The following DCAF8L2 variants were observed in gnomAD, a reference collection of about 807,000 sequenced individuals.
The protein encoded by DCAF8L2 is DDB1- and CUL4-associated factor 8-like protein 2.
For missense variants in DCAF8L2, 430 were observed against 490.7 expected (o/e 0.88, Z 1.17); for synonymous variants, 200 against 190.9 (o/e 1.05, Z -0.39).
chrX:27,745,755 C>T (rs1922129025), intron 4 of DCAF8L2, among the ~76,000 whole-genome samples: 1 of 111,707 alleles, frequency 9.0e-6, no homozygotes, highest in South Asian at 3.7e-4. Context: ...CTGATATCAC[C>T]TTAGATAATT....
At chrX:27,543,509 G>GA in the DCAF8L2 span, among the ~76,000 whole-genome samples, 12 of 110,370 alleles carry the variant, frequency 1.1e-4, no homozygotes, top group South Asian at 3.9e-4. Flanking sequence ...CTAATTCCGT[G>GA]AAAAAAAATG....
the DCAF8L2 span, among the ~76,000 whole-genome samples, chrX:27,517,497 GA>G: frequency 0.018 from 1,492 of 81,584 alleles, 39 homozygotes; most frequent in African/African-American, 0.059. Context: ...ACCTTCAACA[GA>G]AAAAAAAAAA....
At chrX:27,654,171 G>A (rs1929261813) in intron 2 of DCAF8L2, among the ~76,000 whole-genome samples, 1 of 111,033 alleles carries the variant, frequency 9.0e-6, no homozygotes, top group Admixed American at 9.7e-5. Context: ...GGGAGTATGT[G>A]CCAATTGGGA....
chrX:27,626,639 TA>T (rs1928021501), intron 1 of DCAF8L2, among the ~76,000 whole-genome samples: 1 of 112,238 alleles, frequency 8.9e-6, no homozygotes, highest in Non-Finnish European at 1.9e-5. Flanking sequence ...TGATATGTAA[TA>T]TTTTTATTTG....
intron 2 of DCAF8L2, among the ~76,000 whole-genome samples, chrX:27,651,120 C>G (rs1929133073): frequency 8.9e-6 from 1 of 111,885 alleles, no homozygotes; most frequent in Admixed American, 9.5e-5. Flanking sequence ...TATGTCGAAC[C>G]AAACTTGCAT....
At chrX:27,522,496 G>C in the DCAF8L2 span, among the ~76,000 whole-genome samples, 2 of 111,687 alleles carry the variant, frequency 1.8e-5, no homozygotes, top group Non-Finnish European at 3.8e-5. Context: ...TAATTTCTAA[G>C]TGTACATTAC....
chrX:27,744,013 G>A (rs768638388), intron 4 of DCAF8L2, among the ~76,000 whole-genome samples: 139 of 111,219 alleles, frequency 1.2e-3, no homozygotes, highest in African/African-American at 3.4e-3. Flanking sequence ...GATTATAGAC[G>A]TGAGCCACCA....
intron 1 of DCAF8L2, among the ~76,000 whole-genome samples, chrX:27,590,992 TA>T (rs1443548382): frequency 6.2e-4 from 5 of 8,091 alleles, no homozygotes; most frequent in East Asian, 8.9e-3. Context: ...CTTTACATTT[TA>T]TATATATATA....
At chrX:27,476,704 A>G in the DCAF8L2 span, among the ~76,000 whole-genome samples, 2 of 112,056 alleles carry the variant, frequency 1.8e-5, no homozygotes, top group Non-Finnish European at 3.8e-5. Flanking sequence ...CTGTTTCACC[A>G]GAAAAGCTTA....
intron 4 of DCAF8L2, among the ~76,000 whole-genome samples, chrX:27,739,710 A>T (rs1380551257): frequency 8.9e-6 from 1 of 112,085 alleles, no homozygotes; most frequent in East Asian, 2.8e-4. Flanking sequence ...GATGTAAATA[A>T]AACAGAACTC....
upstream of DCAF8L2, among the ~76,000 whole-genome samples, chrX:27,587,985 A>AAAAAAT: frequency 4.5e-5 from 1 of 22,371 alleles, no homozygotes; most frequent in African/African-American, 9.8e-5. Flanking sequence ...TAAAAAAAAA[A>AAAAAAT]ATATATATAT....
the DCAF8L2 span, among the ~76,000 whole-genome samples, chrX:27,568,946 AACACACACACACACACACAC>A: frequency 0.041 from 3,517 of 86,512 alleles, 92 homozygotes; most frequent in East Asian, 0.17. Flanking sequence ...TTGGAACTCA[AACACACACACACACACACAC>A]ACACACACAC....
intron 4 of DCAF8L2, among the ~76,000 whole-genome samples, chrX:27,736,410 A>G (rs754688947): frequency 9.0e-6 from 1 of 111,533 alleles, no homozygotes; most frequent in Non-Finnish European, 1.9e-5. Flanking sequence ...CTTGGTGCCT[A>G]CTCTGTACAC....
intron 1 of DCAF8L2, among the ~76,000 whole-genome samples, chrX:27,608,977 A>T (rs1283003800): frequency 9.1e-6 from 1 of 110,192 alleles, no homozygotes; most frequent in African/African-American, 3.3e-5. Context: ...GAGAAAAGGG[A>T]CTCTCTTAAA....
chrX:27,672,205 T>G (rs1442482209), intron 2 of DCAF8L2, among the ~76,000 whole-genome samples: 1 of 111,974 alleles, frequency 8.9e-6, no homozygotes, highest in African/African-American at 3.2e-5. Flanking sequence ...ATTATTAGGA[T>G]GGAAATGTTC....
intron 2 of DCAF8L2, among the ~76,000 whole-genome samples, chrX:27,642,116 A>C (rs1308018325): frequency 9.3e-6 from 1 of 107,783 alleles, no homozygotes; most frequent in Non-Finnish European, 1.9e-5. Context: ...GATGGTCTCA[A>C]TCTCCTGACC....
At chrX:27,706,575 A>T in intron 3 of DCAF8L2, among the ~76,000 whole-genome samples, 1 of 111,990 alleles carries the variant, frequency 8.9e-6, no homozygotes, top group Admixed American at 9.5e-5. Context: ...TCAAACTACA[A>T]TGAGATGCTA....
chrX:27,533,009 G>A, the DCAF8L2 span, among the ~76,000 whole-genome samples: 2 of 103,413 alleles, frequency 1.9e-5, no homozygotes, highest in African/African-American at 3.5e-5. Flanking sequence ...CCTGGGAAGC[G>A]GAGGTTGCTG....
chrX:27,581,823 A>G, the DCAF8L2 span, among the ~76,000 whole-genome samples: 2 of 111,868 alleles, frequency 1.8e-5, no homozygotes, highest in Non-Finnish European at 3.8e-5. Context: ...ACCTCAAGTG[A>G]TCCGCCCACC....
Sources: allele counts gnomAD v4.1 joint callset (sites outside exome capture counted in the v4.1 genomes callset), GRCh38; gene constraint gnomAD v4.1.1; transcripts MANE v1.5; gene names NCBI Gene and HGNC (gene_info 2026-07-23, HGNC 2026-07-21).